Variants in CNBD1 observed in about 807,000 individuals in gnomAD.
The protein encoded by CNBD1 is cyclic nucleotide binding domain containing 1, also known as cyclic nucleotide-binding domain-containing protein 1.
A neutral mutation model predicts 54.4 loss-of-function variants in CNBD1; 71 were observed. That is an observed-to-expected ratio of 1.30 (90% CI 1.08 to 1.59). CNBD1 has a LOEUF of 1.59. CNBD1 is among the 40% of genes most tolerant of loss of function. The pLI is 0.00. For synonymous variants in CNBD1, 182 were observed against 170.7 expected (o/e 1.07, Z -0.51); for missense variants, 659 against 518.0 (o/e 1.27, Z -2.64).
chr8:87,035,041 G>A (rs1809885603), intron 4 of CNBD1, among the ~76,000 whole-genome samples: 1 of 151,936 alleles, frequency 6.6e-6, no homozygotes, highest in Admixed American at 6.6e-5. Flanking sequence ...GATTTGGAAG[G>A]GGAGTTGTCA....
At chr8:86,890,353 C>T (rs988620478) in intron 2 of CNBD1, among the ~76,000 whole-genome samples, 3 of 152,062 alleles carry the variant, frequency 2.0e-5, no homozygotes, top group African/African-American at 7.2e-5. Context: ...ATATGTCTTT[C>T]GGTGCCTGCT....
intron 1 of CNBD1, among the ~76,000 whole-genome samples, chr8:86,884,686 A>G (rs1350902192): frequency 6.6e-6 from 1 of 152,168 alleles, no homozygotes; most frequent in Admixed American, 6.5e-5. Flanking sequence ...CTTGTTCAGT[A>G]CTTCAGTCCT....
At chr8:87,201,308 T>A (rs1004317012) in intron 4 of CNBD1, among the ~76,000 whole-genome samples, 1 of 152,178 alleles carries the variant, frequency 6.6e-6, no homozygotes, top group African/African-American at 2.4e-5. Context: ...TGATTTCTGT[T>A]GAATAGCAGG....
At position 86,909,405 on chromosome 8, in the gene CNBD1, C is replaced by T. The variant is rs534588180; in HGVS notation, c.272+4211C>T. Among the ~76,000 whole-genome samples, 13 of 152,186 alleles carry T rather than the reference C, an allele frequency of 8.5e-5. No individual in the cohort carries two copies. The South Asian group carries it at 2.1e-3, about 24-fold the overall frequency. ...TTTTTAATGACAGTCTTGGAAGTAT[C>T]GTAAAGCTAGATGGTTTCCTGAGAA... On this transcript the variant is annotated intron_variant, in intron 3 of 10. Coordinates refer to ENST00000518476, the MANE Select transcript of CNBD1 (RefSeq NM_173538.3).
intron 4 of CNBD1, among the ~76,000 whole-genome samples, chr8:87,161,383 C>G (rs1287786718): frequency 6.6e-6 from 1 of 152,108 alleles, no homozygotes; most frequent in Admixed American, 6.6e-5. Flanking sequence ...CTAACGCTTG[C>G]AGATAGTTCT....
intron 3 of CNBD1, among the ~76,000 whole-genome samples, chr8:86,921,545 G>A (rs1809275721): frequency 6.6e-6 from 1 of 152,148 alleles, no homozygotes. Flanking sequence ...TGGCTGAGGA[G>A]GCCTCATGAT....
In CNBD1 at chr8:86,951,581, CAAAA is replaced by C. The variant is rs71275901; in HGVS notation, c.431+11862_431+11865del. ...GGTGACAGAGCGAGGCTCCGTCTCA[CAAAA>C]AAAAAAAAAAAAAAAAAAAAAAAAA... is the stretch of plus-strand genomic sequence containing the variant. On this transcript the variant is annotated intron_variant, in intron 4 of 10. Transcript: ENST00000518476. Among the ~76,000 whole-genome samples the C allele has an allele frequency of 5.5e-3, 206 of 37,324 alleles. 1 individual carries two copies. The highest frequency in any genetic ancestry group is 7.4e-3 in the Non-Finnish European group (155 of 20,848). 24.5% of individuals were successfully genotyped at this position (37,324 alleles called of 152,430 possible).
At chr8:87,078,215 T>G (rs2130661358) in intron 4 of CNBD1, among the ~76,000 whole-genome samples, 1 of 152,326 alleles carries the variant, frequency 6.6e-6, no homozygotes, top group Middle Eastern at 3.4e-3. Flanking sequence ...CCTTGGCCAG[T>G]CAATAAGACT....
intron 4 of CNBD1, among the ~76,000 whole-genome samples, chr8:87,090,067 C>G (rs1271778215): frequency 1.3e-5 from 2 of 152,050 alleles, no homozygotes; most frequent in Non-Finnish European, 2.9e-5. Flanking sequence ...CACACCCTTT[C>G]AAAGAATGTA....
intron 2 of CNBD1, among the ~76,000 whole-genome samples, chr8:86,890,629 A>G (rs1808755039): frequency 6.6e-6 from 1 of 152,042 alleles, no homozygotes; most frequent in South Asian, 2.1e-4. Context: ...ATCATATGTT[A>G]ATTCTATTTT....
At chr8:87,098,055 A>C in intron 4 of CNBD1, among the ~76,000 whole-genome samples, 1 of 152,352 alleles carries the variant, frequency 6.6e-6, no homozygotes, top group Admixed American at 6.5e-5. Context: ...ATGATCAACA[A>C]CTTTTACTGC....
In CNBD1 at chr8:87,278,912, T is replaced by A. The variant is rs1364366159; in HGVS notation, c.772-5766T>A. On this transcript the variant is annotated intron_variant, in intron 6 of 10. Coordinates refer to ENST00000518476, the MANE Select transcript of CNBD1 (RefSeq NM_173538.3). ...TTGCCTTTCTGAGAAGTGGAAAAGG[T>A]AATATAGCACTTCCTTCTTATCTGT... is the stretch of plus-strand genomic sequence containing the variant. Among the ~76,000 whole-genome samples the A allele has an allele frequency of 5.3e-5, 8 of 151,424 alleles. No individual in the cohort carries two copies. The East Asian group carries it at 1.5e-3, about 29-fold the overall frequency.
intron 8 of CNBD1, among the ~76,000 whole-genome samples, chr8:87,333,608 C>T (rs749843058): frequency 3.3e-5 from 5 of 152,022 alleles, no homozygotes; most frequent in Non-Finnish European, 7.4e-5. Flanking sequence ...TTATTGAAGG[C>T]CTTTTCTGTA....
intron 6 of CNBD1, among the ~76,000 whole-genome samples, chr8:87,261,866 C>A (rs769859662): frequency 2.6e-5 from 4 of 151,996 alleles, no homozygotes; most frequent in Non-Finnish European, 4.4e-5. Flanking sequence ...GCAACATAGG[C>A]CAGGTGCAGT....
rs551678335 is a variant in CNBD1, at chr8:86,904,762, G to C, written c.159-319G>C. Among the ~76,000 whole-genome samples the C allele has an allele frequency of 2.0e-5, 3 of 151,960 alleles. No individual in the cohort carries two copies. In the East Asian group the frequency reaches 5.8e-4, roughly 29 times the overall value. ...TGTAAACTATTTTAAATAATTTCAG[G>C]GGGATTTTAATTCTGTAGTACATTA... On this transcript the variant is annotated intron_variant, in intron 2 of 10. Coordinates refer to ENST00000518476, the MANE Select transcript of CNBD1 (RefSeq NM_173538.3).
chr8:87,228,905 A>G (rs1022393839), intron 5 of CNBD1, among the ~76,000 whole-genome samples: 3 of 152,218 alleles, frequency 2.0e-5, no homozygotes, highest in African/African-American at 7.2e-5. Context: ...TCTGTGGGGT[A>G]GGACCCTCCG....
At chr8:87,081,059 C>T (rs140455382) in intron 4 of CNBD1, among the ~76,000 whole-genome samples, 2 of 151,084 alleles carry the variant, frequency 1.3e-5, no homozygotes, top group East Asian at 3.9e-4. Flanking sequence ...GTTTAATTTG[C>T]TCTTCATTAT....
intron 4 of CNBD1, among the ~76,000 whole-genome samples, chr8:87,009,643 A>C (rs1291710532): frequency 6.6e-6 from 1 of 152,058 alleles, no homozygotes; most frequent in East Asian, 1.9e-4. Flanking sequence ...GTTACTATTC[A>C]TTTAAATTCA....
chr8:86,901,841 C>G (rs1254387593), intron 2 of CNBD1, among the ~76,000 whole-genome samples: 2 of 152,108 alleles, frequency 1.3e-5, no homozygotes, highest in Non-Finnish European at 2.9e-5. Flanking sequence ...ATGAGAACAT[C>G]GAGTAGACTA....
Sources: gnomAD v4.1 joint callset for allele counts (sites outside exome capture counted in the v4.1 genomes callset) on GRCh38, gnomAD v4.1.1 for gene constraint, MANE v1.5 for transcripts, NCBI Gene and HGNC (gene_info 2026-07-23, HGNC 2026-07-21) for gene names.